TENM2: variants seen among roughly 807,000 people sequenced by gnomAD.
TENM2 encodes the protein teneurin-2.
A neutral mutation model predicts 245.2 loss-of-function variants in TENM2; 52 were observed. That is an observed-to-expected ratio of 0.21 (90% CI 0.17 to 0.27). The LOEUF is 0.27. Ranked by LOEUF, TENM2 falls within the 10% of genes least tolerant of loss-of-function variation. The pLI, the probability that TENM2 is intolerant of heterozygous loss-of-function variation, is 1.00. For synonymous variants in TENM2, 1,363 were observed against 1,438.9 expected, an observed-to-expected ratio of 0.95 and a Z score of 1.19; for missense variants, 3,046 against 3,666.8, an observed-to-expected ratio of 0.83 and a Z score of 4.37.
the TENM2 span, among the ~76,000 whole-genome samples, chr5:166,987,941 C>T: frequency 6.6e-6 from 1 of 152,086 alleles, no homozygotes; most frequent in Non-Finnish European, 1.5e-5. Context: ...AAGCATGTAG[C>T]GAATATGTAG....
intron 2 of TENM2, among the ~76,000 whole-genome samples, chr5:167,778,182 A>G (rs1763941455): frequency 6.6e-6 from 1 of 152,218 alleles, no homozygotes. Flanking sequence ...GGTGAGCTAA[A>G]GAAGATTTGA....
At chr5:167,911,646 C>A (rs1696760069) in intron 3 of TENM2, among the ~76,000 whole-genome samples, 1 of 152,196 alleles carries the variant, frequency 6.6e-6, no homozygotes, top group Non-Finnish European at 1.5e-5. Flanking sequence ...TGGGTTAGTT[C>A]CAGGAGCACT....
rs910990669 is a variant in TENM2, at chr5:168,124,882, G to A, written c.2041G>A (p.Gly681Arg). The A allele has an allele frequency of 6.8e-6, 11 of 1,612,736 alleles. No individual in the cohort carries two copies. Among genetic ancestry groups the A allele is most frequent in the African/African-American group, 5.3e-5 (4 of 74,920 alleles). The stretch of plus-strand genomic sequence containing the variant: ...CTTGGATCCCACCTGCTCCAGCCAC[G>A]GAGTCTGTGTGAATGGAGAATGCCT... Residue 681 changes from glycine (G) to arginine (R), a missense_variant, in exon 11 of 29, where the codon GGA (glycine) becomes AGA (arginine). Physicochemically the swap from Gly to Arg is moderately radical, Grantham distance 125. Around this residue, in one of 2 missense-constraint regions of TENM2, gnomAD observed 2,704 missense variants for 3,331.9 expected, o/e 0.81. Coordinates refer to ENST00000518659, the Ensembl canonical transcript of TENM2.
chr5:167,287,083 A>G (rs1422879058), intron 1 of TENM2, among the ~76,000 whole-genome samples: 1 of 152,246 alleles, frequency 6.6e-6, no homozygotes, highest in Non-Finnish European at 1.5e-5. Flanking sequence ...TTGCATATGC[A>G]AGTGCAATTC....
rs202101545 is a variant in TENM2, at chr5:168,190,094, C to T, written c.2570-243C>T. 9.9e-5 allele frequency among the ~76,000 whole-genome samples: 15 copies of T among 152,278 alleles called. No individual in the cohort carries two copies. The East Asian group carries it at 2.7e-3, about 27-fold the overall frequency. On this transcript the variant is annotated intron_variant, in intron 13 of 28. Transcript: ENST00000518659. ...AGAAAAGCACAATAAAGAAGAGAAA[C>T]ACACTAATCTGCTACATGAGGATAA...
intron 2 of TENM2, among the ~76,000 whole-genome samples, chr5:167,460,533 C>G (rs17068508): frequency 0.028 from 4,213 of 152,070 alleles, 93 homozygotes; most frequent in Non-Finnish European, 0.039. Flanking sequence ...CTCTAACTCT[C>G]CATAGTTCTT....
At chr5:167,396,299 C>T (rs531453730) in intron 2 of TENM2, among the ~76,000 whole-genome samples, 123 of 152,116 alleles carry the variant, frequency 8.1e-4, no homozygotes, top group African/African-American at 2.7e-3. Context: ...AAAATCCTGC[C>T]ATATGATACA....
rs565968372 is a variant in TENM2 at position 167,893,353 on chromosome 5, G to C, written c.712+17158G>C. 2.2e-4 allele frequency among the ~76,000 whole-genome samples: 33 copies of C among 152,268 alleles called. No individual in the cohort carries two copies. The South Asian group carries it at 6.0e-3, about 28-fold the overall frequency. ...GGATGACAGATGTGAGCAAATCAGC[G>C]TCAGACAAGTTGAGCAGACTTTAAC... On this transcript the variant is annotated intron_variant, in intron 3 of 28. Transcript: ENST00000518659.
At chr5:167,244,854 T>A in the TENM2 span, among the ~76,000 whole-genome samples, 1 of 152,010 alleles carries the variant, frequency 6.6e-6, no homozygotes. Flanking sequence ...TGTGTTTGTG[T>A]GTAGTTGGAC....
Position 167,328,204 on chromosome 5 carries a change from G to GTTTTTTTTT in TENM2, c.226+43156_226+43164dup, listed in dbSNP as rs70976412. On this transcript the variant is annotated intron_variant, in intron 1 of 28. Coordinates refer to ENST00000518659, the Ensembl canonical transcript of TENM2. ...CAACAGTTCGATAGTTTCTCATATC[G>GTTTTTTTTT]TTTTTTTTTTTTTTTTTTTTTTTGA... Among the ~76,000 whole-genome samples the GTTTTTTTTT allele has an allele frequency of 1.3e-3, 122 of 91,020 alleles. 2 individuals carry two copies. Among genetic ancestry groups the GTTTTTTTTT allele is most frequent in the African/African-American group, 5.7e-3 (117 of 20,696 alleles). 59.7% of individuals were successfully genotyped at this position (91,020 alleles called of 152,430 possible).
At chr5:167,149,269 T>A in the TENM2 span, among the ~76,000 whole-genome samples, 1 of 152,120 alleles carries the variant, frequency 6.6e-6, no homozygotes, top group African/African-American at 2.4e-5. Flanking sequence ...TCCTGTTCAC[T>A]TATGTATCCA....
chr5:167,319,145 G>T (rs370819583), intron 1 of TENM2, among the ~76,000 whole-genome samples: 1 of 152,168 alleles, frequency 6.6e-6, no homozygotes, highest in Non-Finnish European at 1.5e-5. Context: ...AATTAACTTT[G>T]TGTGGGGCCA....
intron 1 of TENM2, among the ~76,000 whole-genome samples, chr5:167,342,504 A>ATTTTTT (rs1758165778): frequency 1.6e-5 from 1 of 61,422 alleles, no homozygotes; most frequent in Non-Finnish European, 3.3e-5. Context: ...CTGTAAAGTT[A>ATTTTTT]TTCTTTTTTT....
intron 5 of TENM2, among the ~76,000 whole-genome samples, chr5:168,040,896 A>T (rs72824978): frequency 0.018 from 2,695 of 152,318 alleles, 34 homozygotes; most frequent in South Asian, 0.03. Context: ...GAGCAGATTT[A>T]TTTTACGTTG....
intron 13 of TENM2, among the ~76,000 whole-genome samples, chr5:168,175,956 C>A (rs977697668): frequency 6.6e-6 from 1 of 152,196 alleles, no homozygotes; most frequent in African/African-American, 2.4e-5. Flanking sequence ...ACTAGCACAC[C>A]GTCTGCCAGG....
Position 168,248,303 on chromosome 5 carries a change from T to C in TENM2, c.7364T>C (p.Phe2455Ser). 7 of 1,613,996 alleles carry C rather than the reference T, an allele frequency of 4.3e-6. No individual in the cohort carries two copies. The highest frequency in any genetic ancestry group is 5.9e-6 in the Non-Finnish European group (7 of 1,179,888). ...AACGTGGGCAAGGAGCCGGCCCCCT[T>C]TAACCTGTATATGTTCAAGAGCAAC... The change falls in exon 27 of 29, where the codon TTT (phenylalanine) becomes TCT (serine). Residue 2455 changes from phenylalanine to serine, a missense_variant. Phe to Ser is a radical substitution (Grantham distance 155, BLOSUM62 -2). Transcript: ENST00000518659.
chr5:167,222,242 CT>C, the TENM2 span, among the ~76,000 whole-genome samples: 1 of 152,144 alleles, frequency 6.6e-6, no homozygotes, highest in East Asian at 1.9e-4. Context: ...ATGAATCTGC[CT>C]TCACATATGC....
chr5:167,272,679 A>G, the TENM2 span, among the ~76,000 whole-genome samples: 2 of 152,130 alleles, frequency 1.3e-5, no homozygotes, highest in Admixed American at 6.6e-5. Flanking sequence ...GGTCACATCC[A>G]TCCCCACTTA....
intron 2 of TENM2, among the ~76,000 whole-genome samples, chr5:167,556,436 A>G (rs1209330240): frequency 1.3e-5 from 2 of 149,980 alleles, no homozygotes; most frequent in Non-Finnish European, 3.0e-5. Flanking sequence ...ATATATATAT[A>G]TATGTATCTG....
Sources: allele counts gnomAD v4.1 joint callset (sites outside exome capture counted in the v4.1 genomes callset), GRCh38; gene constraint gnomAD v4.1.1; regional missense constraint gnomAD v4.1.1; transcripts MANE v1.5; gene names NCBI Gene and HGNC (gene_info 2026-07-23, HGNC 2026-07-21).